WASF3: variants seen among roughly 807,000 people sequenced by gnomAD.
WASF3 encodes the protein WASP family member 3.
A neutral mutation model predicts 46.6 loss-of-function variants in WASF3; 11 were observed. The ratio of observed to expected loss-of-function variants is 0.24; its 90% confidence interval spans 0.15 to 0.39. The LOEUF (loss-of-function observed/expected upper bound fraction) is 0.39. Among genes scored for constraint, WASF3 ranks in the 10% least tolerant of loss-of-function variants. The pLI is 1.00. For synonymous variants in WASF3, 242 were observed against 259.7 expected, an observed-to-expected ratio of 0.93 and a Z score of 0.65; for missense variants, 576 against 669.8, an observed-to-expected ratio of 0.86 and a Z score of 1.55.
intron 2 of WASF3, among the ~76,000 whole-genome samples, chr13:26,613,359 C>T (rs1463845813): frequency 6.6e-6 from 1 of 152,034 alleles, no homozygotes; most frequent in African/African-American, 2.4e-5. Context: ...AGATCTCAGT[C>T]TTCTTACCTC....
chr13:26,563,081 T>C (rs1317594689), intron 1 of WASF3, among the ~76,000 whole-genome samples: 1 of 151,584 alleles, frequency 6.6e-6, no homozygotes, highest in African/African-American at 2.4e-5. Context: ...CCATTGTGTC[T>C]CCAGGTCGTG....
intron 2 of WASF3, chr13:26,619,162 A>G (rs1484771038): frequency 2.6e-5 from 4 of 152,176 alleles, no homozygotes; most frequent in African/African-American, 9.7e-5. Flanking sequence ...ATTTCCTATG[A>G]ATGAGCTAAG....
At chr13:26,611,925 G>A (rs946096291) in intron 1 of WASF3, among the ~76,000 whole-genome samples, 6 of 151,954 alleles carry the variant, frequency 3.9e-5, no homozygotes, top group Non-Finnish European at 8.8e-5. Flanking sequence ...ATTCATGGGG[G>A]TCCAGATAAT....
intron 2 of WASF3, among the ~76,000 whole-genome samples, chr13:26,637,543 C>T (rs993094364): frequency 6.6e-6 from 1 of 152,240 alleles, no homozygotes; most frequent in African/African-American, 2.4e-5. Context: ...ACTAGGAAGG[C>T]CCTGTTGCCC....
chr13:26,610,762 A>C (rs1880949835), intron 1 of WASF3, among the ~76,000 whole-genome samples: 1 of 152,174 alleles, frequency 6.6e-6, no homozygotes, highest in Non-Finnish European at 1.5e-5. Context: ...TGTTGCATAG[A>C]AGCATGCTTC....
At chr13:26,640,010 G>A (rs1299008238) in intron 2 of WASF3, 1 of 152,402 alleles carries the variant, frequency 6.6e-6, no homozygotes, top group African/African-American at 2.4e-5. Flanking sequence ...TAGTGGCTAG[G>A]AGTGTGAGAG....
intron 2 of WASF3, among the ~76,000 whole-genome samples, chr13:26,638,996 T>C (rs1881912943): frequency 6.6e-6 from 1 of 152,174 alleles, no homozygotes; most frequent in African/African-American, 2.4e-5. Context: ...TGTCCTCCTA[T>C]TTTCCACCAT....
intron 2 of WASF3, among the ~76,000 whole-genome samples, chr13:26,637,557 C>T (rs140735732): frequency 6.6e-6 from 1 of 152,196 alleles, no homozygotes; most frequent in African/African-American, 2.4e-5. Context: ...GTTGCCCTCA[C>T]ATTTAGCTGT....
chr13:26,683,342 G>A (rs1253283847), intron 9 of WASF3, among the ~76,000 whole-genome samples: 1 of 152,076 alleles, frequency 6.6e-6, no homozygotes, highest in Non-Finnish European at 1.5e-5. Context: ...TGAGCATGTT[G>A]GCCTGAGCCT....
chr13:26,568,792 T>A (rs1879548159), intron 1 of WASF3, among the ~76,000 whole-genome samples: 1 of 152,192 alleles, frequency 6.6e-6, no homozygotes, highest in African/African-American at 2.4e-5. Flanking sequence ...GTTAGTACCA[T>A]AGGACTGTAG....
chr13:26,685,714 CAGCGGGAGCAGGAGGCCA>C lies in WASF3; in HGVS notation c.1388_1405del (p.Gln463_Glu468del), dbSNP rs1883381062. Reference sequence around the variant, plus strand: ...AATTCAACTGAAAAAGGTGCAGGAGCAGCGGGAGCAGGAGGCCAAGCGGGAGCCAGTGGGGAATGACGT... The same window carrying C: ...AATTCAACTGAAAAAGGTGCAGGAGCAGCGGGAGCCAGTGGGGAATGACGT... On this transcript the variant is annotated inframe_deletion, in exon 10 of 10. Coordinates refer to ENST00000335327, the MANE Select transcript of WASF3 (RefSeq NM_006646.6). 6.2e-7 allele frequency: 1 copy of C among 1,614,076 alleles called. No individual in the cohort carries two copies. The highest frequency in any genetic ancestry group is 1.3e-5 in the African/African-American group (1 of 74,936).
intron 2 of WASF3, among the ~76,000 whole-genome samples, chr13:26,634,892 C>T (rs534212498): frequency 4.6e-5 from 7 of 152,134 alleles, no homozygotes; most frequent in Non-Finnish European, 8.8e-5. Flanking sequence ...GTGGGTAACC[C>T]GACCTTTCTC....
chr13:26,661,335 A>G (rs959091205), intron 3 of WASF3, among the ~76,000 whole-genome samples: 1 of 152,176 alleles, frequency 6.6e-6, no homozygotes, highest in Admixed American at 6.5e-5. Context: ...GAAATGGACT[A>G]CTTTACATGC....
intron 3 of WASF3, among the ~76,000 whole-genome samples, chr13:26,660,270 A>C (rs1882592885): frequency 7.5e-6 from 1 of 133,320 alleles, no homozygotes; most frequent in South Asian, 2.5e-4. Context: ...AAAAGCCAAG[A>C]CCTCGAGCCC....
the WASF3 span, among the ~76,000 whole-genome samples, chr13:26,550,786 T>C: frequency 6.6e-6 from 1 of 152,088 alleles, no homozygotes; most frequent in African/African-American, 2.4e-5. Flanking sequence ...GTCTATTGGA[T>C]GAGAGCCAGG....
chr13:26,586,317 A>G (rs1880125580), intron 1 of WASF3, among the ~76,000 whole-genome samples: 1 of 152,072 alleles, frequency 6.6e-6, no homozygotes, highest in African/African-American at 2.4e-5. Context: ...CTTTTGGTAT[A>G]AGGGGTAAAG....
chr13:26,618,672 TTATCTC>T (rs750925294), intron 2 of WASF3: 5 of 152,244 alleles, frequency 3.3e-5, no homozygotes, highest in Non-Finnish European at 5.9e-5. Context: ...CATTTCCAGT[TTATCTC>T]TATGTCAAAC....
intron 1 of WASF3, among the ~76,000 whole-genome samples, chr13:26,610,086 C>T (rs1230585071): frequency 6.6e-6 from 1 of 152,106 alleles, no homozygotes; most frequent in African/African-American, 2.4e-5. Context: ...CACTGCGGGA[C>T]ATTCATTTGG....
chr13:26,621,802 C>T (rs150993714), intron 2 of WASF3, among the ~76,000 whole-genome samples: 129 of 152,204 alleles, frequency 8.5e-4, no homozygotes, highest in African/African-American at 2.9e-3. Context: ...GAGGCCCTTC[C>T]TTTGGCGGTG....
Sources: gnomAD v4.1 joint callset for allele counts (sites outside exome capture counted in the v4.1 genomes callset) on GRCh38, gnomAD v4.1.1 for gene constraint, MANE v1.5 for transcripts, NCBI Gene and HGNC (gene_info 2026-07-23, HGNC 2026-07-21) for gene names.